Variants in ADAMTSL3 observed in about 807,000 individuals in gnomAD.
ADAMTSL3 encodes ADAMTS like 3, also known as ADAMTS-like protein 3.
ADAMTSL3 carries 128 observed loss-of-function variants against 201.7 expected under a neutral mutation model. The observed-to-expected ratio is 0.63, with a 90% CI of 0.55 to 0.73. The LOEUF (loss-of-function observed/expected upper bound fraction) is 0.73. ADAMTSL3 is among the 30% of genes least tolerant of loss of function. The pLI, the probability that ADAMTSL3 is intolerant of heterozygous loss-of-function variation, is 0.00. For missense variants in ADAMTSL3, 1,990 were observed against 2,119.6 expected, an observed-to-expected ratio of 0.94 and a Z score of 1.20; for synonymous variants, 738 against 748.4, an observed-to-expected ratio of 0.99 and a Z score of 0.23.
In ADAMTSL3 at chr15:83,890,221, A is replaced by G. The variant is rs1248587147; in HGVS notation, c.1185A>G (p.Glu395=). 1.9e-6 allele frequency: 3 copies of G among 1,613,898 alleles called. No homozygotes were observed. The African/African-American group carries it at 4.0e-5, about 22-fold the overall frequency. The change falls in exon 11 of 30, where the codon GAA becomes GAG. Residue 395 remains glutamate (E), a synonymous_variant. Transcript: ENST00000286744. ...TAAAACCAAAACCAAAACTGAAGGA[A>G]TGCAGCATGGATCCCTGCCCATCAA... ...ENVKPKPKLK[E]CSMDPCPSSD... is the part of the protein sequence containing the mutation.
rs759332707 is a variant in ADAMTSL3 at position 83,970,515 on chromosome 15, G to A, written c.2522G>A (p.Arg841Lys). 1.2e-6 allele frequency: 2 copies of A among 1,614,226 alleles called. No homozygotes were observed. Among genetic ancestry groups the A allele is most frequent in the South Asian group, 1.1e-5 (1 of 91,082 alleles). ...CSVSCGVGIQ[R>K]RKQVCQRLAA... ...GTCAGTTGTGGTGTTGGAATCCAGA[G>A]AAGAAAGCAGGTGTGTCAAAGGCTG... Residue 841 changes from arginine to lysine, a missense_variant, in exon 20 of 30, where the codon AGA becomes AAA. By Grantham distance (26) the Arg-to-Lys change is conservative. Transcript: ENST00000286744.
In ADAMTSL3 at chr15:83,874,709, C is replaced by T. The variant is rs912055544; in HGVS notation, c.960+3750C>T. 4.2e-5 allele frequency among the ~76,000 whole-genome samples: 6 copies of T among 143,824 alleles called. 2 individuals carry two copies. In the East Asian group the frequency reaches 6.9e-4, roughly 17 times the overall value. The allele number at this position is 143,824 out of a possible 152,430, so 94.4% of individuals were successfully genotyped here. A position where few individuals can be genotyped will look rare whatever the true frequency, so the allele number is the denominator to read the frequency against. ...TGGATAGGGGTCCCAGCCACACCACCGAGAACGTGCAGCAAGACAAGAATG... is the reference window on the plus strand; with the variant it reads ...TGGATAGGGGTCCCAGCCACACCACTGAGAACGTGCAGCAAGACAAGAATG... On this transcript the variant is annotated intron_variant, in intron 9 of 29. Transcript: ENST00000286744.
intron 2 of ADAMTSL3, among the ~76,000 whole-genome samples, chr15:83,667,517 GTTT>G (rs35255014): frequency 6.6e-5 from 8 of 120,362 alleles, no homozygotes; most frequent in African/African-American, 9.5e-5. Flanking sequence ...AATTATGAAG[GTTT>G]TTTTTTTTTT....
Position 84,025,400 on chromosome 15 carries a change from T to C in ADAMTSL3, c.4620T>C (p.Phe1540=). 1 of 1,614,124 alleles carries C rather than the reference T, an allele frequency of 6.2e-7. No homozygotes were observed. Residue 1540 remains phenylalanine, a synonymous_variant, in exon 27 of 30, where the codon TTT becomes TTC. Coordinates refer to ENST00000286744, the MANE Select transcript of ADAMTSL3 (RefSeq NM_207517.3). ...GGCCTCTGGGAAGAAAACCATGTTT[T>C]GGTCATCCATGTGTTCAGTGGGAAC... The part of the protein sequence containing the change: ...KDRPLGRKPC[F]GHPCVQWEPG...
At chr15:83,754,121 G>A (rs1465753788) in intron 3 of ADAMTSL3, among the ~76,000 whole-genome samples, 3 of 152,046 alleles carry the variant, frequency 2.0e-5, no homozygotes, top group South Asian at 2.1e-4. Context: ...TGTATGTCAG[G>A]CCTCCACCCA....
chr15:83,826,910 T>C (rs1299958515), intron 6 of ADAMTSL3, among the ~76,000 whole-genome samples: 3 of 152,158 alleles, frequency 2.0e-5, no homozygotes, highest in Admixed American at 1.3e-4. Context: ...CAGTCTATCA[T>C]TGATGGACAT....
At chr15:83,828,758 G>A (rs2064083490) in intron 6 of ADAMTSL3, among the ~76,000 whole-genome samples, 1 of 152,100 alleles carries the variant, frequency 6.6e-6, no homozygotes, top group Non-Finnish European at 1.5e-5. Flanking sequence ...TTTGTCAAAG[G>A]CCTTTTCTGC....
intron 23 of ADAMTSL3, among the ~76,000 whole-genome samples, chr15:83,997,255 A>G (rs147386554): frequency 5.3e-5 from 8 of 152,352 alleles, no homozygotes; most frequent in African/African-American, 1.9e-4. Flanking sequence ...GTTTGGGGAT[A>G]GAACTTTAGC....
intron 8 of ADAMTSL3, among the ~76,000 whole-genome samples, chr15:83,864,734 A>G (rs936194446): frequency 2.0e-5 from 3 of 152,216 alleles, no homozygotes; most frequent in African/African-American, 2.4e-5. Context: ...CACCACTCCT[A>G]TTCAACATAG....
intron 3 of ADAMTSL3, among the ~76,000 whole-genome samples, chr15:83,735,297 A>T (rs544139377): frequency 6.6e-6 from 1 of 152,182 alleles, no homozygotes; most frequent in African/African-American, 2.4e-5. Flanking sequence ...CTAGCAGCCA[A>T]CTGGGAGAGA....
chr15:83,863,617 A>G (rs1217630366), intron 8 of ADAMTSL3, among the ~76,000 whole-genome samples: 2 of 152,160 alleles, frequency 1.3e-5, no homozygotes, highest in South Asian at 2.1e-4. Context: ...TCAAAGCAGT[A>G]TGTAGAGGGA....
At chr15:83,954,992 A>G (rs2066831088) in intron 19 of ADAMTSL3, among the ~76,000 whole-genome samples, 2 of 152,158 alleles carry the variant, frequency 1.3e-5, no homozygotes, top group Admixed American at 1.3e-4. Context: ...CACTGCAGCC[A>G]CTATCTGGTT....
chr15:83,669,207 G>A (rs1451656303), intron 2 of ADAMTSL3, among the ~76,000 whole-genome samples: 3 of 152,078 alleles, frequency 2.0e-5, no homozygotes, highest in Non-Finnish European at 4.4e-5. Flanking sequence ...GTGCAGTGGC[G>A]CAGTCTTGGC....
chr15:83,874,863 G>A (rs12914477), intron 9 of ADAMTSL3, among the ~76,000 whole-genome samples: 23,241 of 145,348 alleles, frequency 0.16, 4,280 homozygotes, highest in Middle Eastern at 0.39. Context: ...AAAGGCACTG[G>A]TCCAGGTGTC....
chr15:83,745,245 G>A (rs1029824731), intron 3 of ADAMTSL3, among the ~76,000 whole-genome samples: 2 of 152,090 alleles, frequency 1.3e-5, no homozygotes, highest in African/African-American at 2.4e-5. Context: ...CACTTTCGTC[G>A]GCAATAAAAT....
At chr15:84,017,703 TCTC>T (rs1422658722) in intron 25 of ADAMTSL3, among the ~76,000 whole-genome samples, 5 of 152,210 alleles carry the variant, frequency 3.3e-5, no homozygotes, top group Admixed American at 1.3e-4. Flanking sequence ...ACACATTTCT[TCTC>T]CTCTTTTAAA....
intron 15 of ADAMTSL3, among the ~76,000 whole-genome samples, chr15:83,903,940 A>AGG (rs1567226095): frequency 0.023 from 997 of 42,450 alleles, 107 homozygotes; most frequent in Non-Finnish European, 0.028. Flanking sequence ...AAAAAAAAAA[A>AGG]AAAAGAAAAA....
intron 27 of ADAMTSL3, among the ~76,000 whole-genome samples, chr15:84,025,716 A>T (rs1450539999): frequency 6.6e-6 from 1 of 152,206 alleles, no homozygotes; most frequent in Non-Finnish European, 1.5e-5. Flanking sequence ...GAATAAAAGT[A>T]GCCTTCAGGA....
chr15:83,950,472 A>G (rs2066737042), intron 19 of ADAMTSL3, among the ~76,000 whole-genome samples: 1 of 151,994 alleles, frequency 6.6e-6, no homozygotes, highest in African/African-American at 2.4e-5. Context: ...TTTAGTCAGG[A>G]TAGCTTGGGC....
Sources: gnomAD v4.1 joint callset for allele counts (sites outside exome capture counted in the v4.1 genomes callset) on GRCh38, gnomAD v4.1.1 for gene constraint, MANE v1.5 for transcripts, NCBI Gene and HGNC (gene_info 2026-07-23, HGNC 2026-07-21) for gene names.